SGCD: variants seen among roughly 807,000 people sequenced by gnomAD.
SGCD encodes the protein delta-sarcoglycan.
SGCD carries 18 observed loss-of-function variants against 36.6 expected under a neutral mutation model. The ratio of observed to expected loss-of-function variants is 0.49; its 90% CI spans 0.34 to 0.73. The LOEUF is 0.73. SGCD is among the 30% of genes least tolerant of loss of function. The pLI is 0.01. For missense variants in SGCD, 387 were observed against 346.7 expected, an observed-to-expected ratio of 1.12 and a Z score of -0.92; for synonymous variants, 133 against 130.6, an observed-to-expected ratio of 1.02 and a Z score of -0.12.
At chr5:156,283,829 C>T (rs1159993820) in intron 3 of SGCD, among the ~76,000 whole-genome samples, 1 of 152,130 alleles carries the variant, frequency 6.6e-6, no homozygotes, top group African/African-American at 2.4e-5. Context: ...CAGTGTTCGA[C>T]CTCAGAATAG....
chr5:156,143,505 G>A (rs903989432), intron 3 of SGCD, among the ~76,000 whole-genome samples: 2 of 152,272 alleles, frequency 1.3e-5, no homozygotes, highest in African/African-American at 2.4e-5. Context: ...TCCTGGAAAA[G>A]CCACAGGCAC....
chr5:156,072,220 T>C (rs1760595309), intron 1 of SGCD, among the ~76,000 whole-genome samples: 1 of 152,208 alleles, frequency 6.6e-6, no homozygotes, highest in African/African-American at 2.4e-5. Flanking sequence ...AGTTTCTTCC[T>C]AGCCTCGATG....
At chr5:156,097,841 T>G (rs1300034440) in intron 1 of SGCD, among the ~76,000 whole-genome samples, 1 of 152,238 alleles carries the variant, frequency 6.6e-6, no homozygotes, top group Non-Finnish European at 1.5e-5. Context: ...TGTTTAAATC[T>G]TCTTTTTCAG....
intron 4 of SGCD, among the ~76,000 whole-genome samples, chr5:156,525,980 G>C (rs73297120): frequency 0.028 from 4,267 of 152,068 alleles, 218 homozygotes; most frequent in African/African-American, 0.097. Flanking sequence ...ATACTGCTTT[G>C]ATTTCAATAA....
the SGCD span, among the ~76,000 whole-genome samples, chr5:155,759,528 G>T: frequency 2.0e-5 from 3 of 152,102 alleles, no homozygotes; most frequent in Non-Finnish European, 2.9e-5. Flanking sequence ...CACTGTGCTT[G>T]AAATCCCAGA....
chr5:156,093,500 AG>A (rs1363454678), intron 1 of SGCD, among the ~76,000 whole-genome samples: 1 of 152,266 alleles, frequency 6.6e-6, no homozygotes, highest in African/African-American at 2.4e-5. Flanking sequence ...CTAAGAATTC[AG>A]AGGGATCCTC....
intron 1 of SGCD, among the ~76,000 whole-genome samples, chr5:156,021,122 C>G (rs1452395207): frequency 6.6e-6 from 1 of 152,128 alleles, no homozygotes; most frequent in Non-Finnish European, 1.5e-5. Context: ...AATGGTTCCA[C>G]TAATATGCCC....
chr5:156,606,646 C>T (rs1010991246), intron 6 of SGCD, among the ~76,000 whole-genome samples: 4 of 152,172 alleles, frequency 2.6e-5, no homozygotes, highest in Non-Finnish European at 5.9e-5. Context: ...ACAGTATGGC[C>T]ATTTCCATGA....
chr5:156,180,808 T>C (rs889373675), intron 3 of SGCD, among the ~76,000 whole-genome samples: 5 of 151,122 alleles, frequency 3.3e-5, no homozygotes, highest in African/African-American at 9.8e-5. Context: ...TAAATGATTC[T>C]CTTTGGAAGC....
At chr5:156,128,178 A>G (rs1762226213) in intron 3 of SGCD, among the ~76,000 whole-genome samples, 1 of 152,212 alleles carries the variant, frequency 6.6e-6, no homozygotes, top group South Asian at 2.1e-4. Context: ...GCATTGCACC[A>G]CAATGAGATA....
chr5:156,613,131 C>T (rs1176839491), intron 6 of SGCD, among the ~76,000 whole-genome samples: 1 of 152,088 alleles, frequency 6.6e-6, no homozygotes, highest in Middle Eastern at 3.2e-3. Flanking sequence ...TTGCCACTGC[C>T]CTAGTGATCT....
At chr5:156,539,250 T>TTA (rs1218735842) in intron 4 of SGCD, among the ~76,000 whole-genome samples, 3 of 151,818 alleles carry the variant, frequency 2.0e-5, no homozygotes, top group Non-Finnish European at 4.4e-5. Flanking sequence ...ACACAAAATT[T>TTA]TATATATATA....
chr5:156,466,010 T>C (rs1187271538), intron 3 of SGCD, among the ~76,000 whole-genome samples: 1 of 152,234 alleles, frequency 6.6e-6, no homozygotes, highest in African/African-American at 2.4e-5. Context: ...TACTTATTCC[T>C]TCCCCTTTGG....
chr5:156,140,379 A>G (rs1269601335), intron 3 of SGCD, among the ~76,000 whole-genome samples: 1 of 152,222 alleles, frequency 6.6e-6, no homozygotes, highest in Non-Finnish European at 1.5e-5. Context: ...AGATGATCTA[A>G]GTAGTCATGA....
the SGCD span, among the ~76,000 whole-genome samples, chr5:155,801,474 T>C: frequency 1.7e-4 from 26 of 152,296 alleles, no homozygotes; most frequent in African/African-American, 5.8e-4. Context: ...ATACTTTATA[T>C]AGGACTCTGA....
At chr5:156,091,089 A>T (rs1316330267) in intron 1 of SGCD, among the ~76,000 whole-genome samples, 5 of 152,236 alleles carry the variant, frequency 3.3e-5, no homozygotes, top group Non-Finnish European at 1.5e-5. Flanking sequence ...ATACATCCTC[A>T]GCTTACGAAG....
intron 3 of SGCD, among the ~76,000 whole-genome samples, chr5:156,409,518 T>A (rs1264019655): frequency 1.3e-5 from 2 of 152,214 alleles, no homozygotes; most frequent in Non-Finnish European, 2.9e-5. Context: ...TGGGCCCTTA[T>A]TTGCAGCATA....
chr5:156,333,783 ATTTTTTTTTTTTTTTT>A (rs70984404), intron 2 of SGCD, among the ~76,000 whole-genome samples: 21 of 19,966 alleles, frequency 1.1e-3, no homozygotes, highest in African/African-American at 1.3e-3. Context: ...TAGAAAAGTG[ATTTTTTTTTTTTTTTT>A]TTTTTTTTTT....
intron 1 of SGCD, among the ~76,000 whole-genome samples, chr5:156,043,715 C>A (rs1051664127): frequency 1.3e-5 from 2 of 152,132 alleles, no homozygotes; most frequent in African/African-American, 2.4e-5. Flanking sequence ...ATTAACAAAA[C>A]AGCCCTACCC....
Sources: gnomAD v4.1 joint callset for allele counts (sites outside exome capture counted in the v4.1 genomes callset) on GRCh38, gnomAD v4.1.1 for gene constraint, MANE v1.5 for transcripts, NCBI Gene and HGNC (gene_info 2026-07-23, HGNC 2026-07-21) for gene names.